GMDS: variants seen among roughly 807,000 people sequenced by gnomAD.
The protein encoded by GMDS is GDP-mannose 4,6-dehydratase, also known as GDP-mannose 4,6 dehydratase.
Under a neutral mutation model 49.9 loss-of-function variants are expected in GMDS, and 20 were observed. The ratio of observed to expected loss-of-function variants is 0.40; its 90% CI spans 0.28 to 0.58. The LOEUF (loss-of-function observed/expected upper bound fraction) is 0.58, where lower values mean the gene tolerates loss of function less well. Among genes scored for constraint, GMDS ranks in the 20% least tolerant of loss-of-function variants. The pLI is 0.42. For synonymous variants in GMDS, 177 were observed against 178.6 expected (o/e 0.99, Z 0.07); for missense variants, 362 against 481.4 (o/e 0.75, Z 2.32).
intron 1 of GMDS, among the ~76,000 whole-genome samples, chr6:2,161,080 C>A (rs1324181846): frequency 6.6e-6 from 1 of 151,124 alleles, no homozygotes; most frequent in East Asian, 2.0e-4. Flanking sequence ...GGTGTGATCT[C>A]GGCTCACTGC....
chr6:1,832,863 G>T (rs1190370316), intron 7 of GMDS, among the ~76,000 whole-genome samples: 1 of 152,188 alleles, frequency 6.6e-6, no homozygotes, highest in Non-Finnish European at 1.5e-5. Flanking sequence ...CAGCGGAAAA[G>T]TCAGCATGAA....
intron 7 of GMDS, among the ~76,000 whole-genome samples, chr6:1,876,540 G>T (rs970171642): frequency 6.6e-6 from 1 of 152,182 alleles, no homozygotes; most frequent in African/African-American, 2.4e-5. Flanking sequence ...GGTTTGAGTA[G>T]AAAGACGAGG....
chr6:1,784,057 A>G (rs1057392523), intron 7 of GMDS, among the ~76,000 whole-genome samples: 6 of 152,224 alleles, frequency 3.9e-5, no homozygotes, highest in Non-Finnish European at 7.3e-5. Context: ...AGTAAAAAAA[A>G]TTAGGAAATT....
At chr6:1,953,077 C>T (rs747706436) in intron 6 of GMDS, among the ~76,000 whole-genome samples, 6 of 152,140 alleles carry the variant, frequency 3.9e-5, no homozygotes, top group Non-Finnish European at 8.8e-5. Flanking sequence ...ATATCCTCAT[C>T]GAAAGACGGA....
intron 4 of GMDS, among the ~76,000 whole-genome samples, chr6:2,030,037 C>CA (rs1457264134): frequency 2.6e-5 from 4 of 152,042 alleles, no homozygotes; most frequent in Non-Finnish European, 4.4e-5. Flanking sequence ...GATATGAAGA[C>CA]AGTCCAGAGA....
chr6:1,711,259 G>A (rs985332950), intron 9 of GMDS, among the ~76,000 whole-genome samples: 6 of 152,344 alleles, frequency 3.9e-5, no homozygotes, highest in East Asian at 3.9e-4. Context: ...CCTCAGAGCC[G>A]GCTGCCTCAG....
At chr6:1,825,435 T>C (rs1355563809) in intron 7 of GMDS, among the ~76,000 whole-genome samples, 2 of 152,226 alleles carry the variant, frequency 1.3e-5, no homozygotes, top group Admixed American at 6.5e-5. Flanking sequence ...ACTGCCAGTC[T>C]AATTTGAGGA....
rs572063222 is a variant in GMDS, at chr6:1,896,081, G to A, written c.771+34022C>T. Among the ~76,000 whole-genome samples the A allele has an allele frequency of 2.0e-5, 3 of 152,268 alleles. No homozygotes were observed. In the East Asian group the frequency reaches 5.8e-4, roughly 29 times the overall value. ...CCAATAAAGGCACAAGCAGATTGGGGGAGCAGAGAGCTTGGCTTGAGGATG... is the reference window on the plus strand; with the variant it reads ...CCAATAAAGGCACAAGCAGATTGGGAGAGCAGAGAGCTTGGCTTGAGGATG... On this transcript the variant is annotated intron_variant, in intron 7 of 10. Transcript: ENST00000380815.
chr6:2,140,885 T>G (rs552827973), intron 1 of GMDS, among the ~76,000 whole-genome samples: 39 of 152,266 alleles, frequency 2.6e-4, no homozygotes, highest in African/African-American at 9.4e-4. Context: ...ATAAAACATG[T>G]CAGCAGCTGA....
intron 9 of GMDS, among the ~76,000 whole-genome samples, chr6:1,666,249 C>T (rs989978772): frequency 1.3e-5 from 2 of 152,210 alleles, no homozygotes; most frequent in African/African-American, 4.8e-5. Context: ...CCAGCATCCT[C>T]TCCCCTGCAC....
rs3839594 is a variant in GMDS, at chr6:1,817,108, TAC to T, written c.772-74524_772-74523del. On this transcript the variant is annotated intron_variant, in intron 7 of 10. Transcript: ENST00000380815. Reference sequence around the variant, plus strand: ...ATATATATTTAATACATTGCTCCTTTACACACACACACACACACACTCACATA... The same window carrying T: ...ATATATATTTAATACATTGCTCCTTTACACACACACACACACACTCACATA... Among the ~76,000 whole-genome samples the T allele has an allele frequency of 4.5e-3, 654 of 145,978 alleles. 9 individuals are homozygous for T. The highest frequency in any genetic ancestry group is 0.015 in the African/African-American group (594 of 39,310).
chr6:2,183,819 A>C (rs765370007), intron 1 of GMDS, among the ~76,000 whole-genome samples: 29 of 152,196 alleles, frequency 1.9e-4, no homozygotes, highest in Non-Finnish European at 3.7e-4. Context: ...AAAGGGAGGC[A>C]ATACCCTCTA....
intron 4 of GMDS, among the ~76,000 whole-genome samples, chr6:2,059,622 G>A (rs1213224294): frequency 6.5e-5 from 9 of 139,422 alleles, no homozygotes; most frequent in African/African-American, 1.9e-4. Flanking sequence ...GCAGGAGAAT[G>A]GCGTGAACCC....
intron 9 of GMDS, among the ~76,000 whole-genome samples, chr6:1,678,302 C>T (rs373616300): frequency 1.7e-4 from 26 of 152,264 alleles, no homozygotes; most frequent in African/African-American, 5.5e-4. Flanking sequence ...TAGTCCACAC[C>T]GCGTCTGTAG....
intron 7 of GMDS, among the ~76,000 whole-genome samples, chr6:1,888,037 C>T (rs1157810432): frequency 2.0e-5 from 3 of 151,984 alleles, no homozygotes; most frequent in Admixed American, 6.6e-5. Flanking sequence ...CAGCCTTGAC[C>T]GCCTGGGCTA....
chr6:1,928,289 C>T (rs923846382), intron 7 of GMDS, among the ~76,000 whole-genome samples: 9 of 151,118 alleles, frequency 6.0e-5, no homozygotes, highest in East Asian at 3.9e-4. Flanking sequence ...CGCTTGAACC[C>T]GGGAGGCAGA....
intron 1 of GMDS, among the ~76,000 whole-genome samples, chr6:2,234,891 C>T (rs1052083540): frequency 6.6e-6 from 1 of 152,100 alleles, no homozygotes; most frequent in Non-Finnish European, 1.5e-5. Flanking sequence ...TCTGGGAGGC[C>T]AAGGTGGGCG....
At chr6:1,860,897 T>C (rs901251566) in intron 7 of GMDS, among the ~76,000 whole-genome samples, 5 of 152,208 alleles carry the variant, frequency 3.3e-5, no homozygotes, top group African/African-American at 1.2e-4. Context: ...GTGTTTGTGA[T>C]GTGTGCCCAG....
intron 9 of GMDS, among the ~76,000 whole-genome samples, chr6:1,650,314 A>AG (rs1355043390): frequency 2.0e-5 from 3 of 152,130 alleles, no homozygotes; most frequent in Admixed American, 1.3e-4. Flanking sequence ...CAGGAAAAAA[A>AG]AAACCAACCA....
Sources: gnomAD v4.1 joint callset for allele counts (sites outside exome capture counted in the v4.1 genomes callset) on GRCh38, gnomAD v4.1.1 for gene constraint, MANE v1.5 for transcripts, NCBI Gene and HGNC (gene_info 2026-07-23, HGNC 2026-07-21) for gene names.